COLQ: variants seen among roughly 807,000 people sequenced by gnomAD.
The protein encoded by COLQ is acetylcholinesterase collagenic tail peptide.
In COLQ, 48 loss-of-function variants were observed where a neutral mutation model predicts 69.0. The observed-to-expected ratio is 0.70, with a 90% CI of 0.55 to 0.88. The LOEUF (loss-of-function observed/expected upper bound fraction) is 0.88, where lower values mean the gene tolerates loss of function less well. COLQ is among the 40% of genes least tolerant of loss of function. COLQ has a pLI of 0.00. For synonymous variants in COLQ, 217 were observed against 211.2 expected (o/e 1.03, Z -0.24); for missense variants, 618 against 594.6 (o/e 1.04, Z -0.41).
chr3:15,490,847 A>G (rs971674296), intron 1 of COLQ, among the ~76,000 whole-genome samples: 5 of 152,242 alleles, frequency 3.3e-5, no homozygotes, highest in African/African-American at 1.2e-4. Context: ...GAACATAGAC[A>G]TATACTCTAG....
At chr3:15,460,268 T>C (rs1012910381) in intron 12 of COLQ, among the ~76,000 whole-genome samples, 1 of 152,178 alleles carries the variant, frequency 6.6e-6, no homozygotes, top group East Asian at 1.9e-4. Context: ...ATCGAATGAA[T>C]GAATGCCGAC....
chr3:15,521,229 C>T (rs755423792), intron 1 of COLQ, among the ~76,000 whole-genome samples: 24 of 152,164 alleles, frequency 1.6e-4, no homozygotes, highest in Non-Finnish European at 2.9e-4. Flanking sequence ...CTCCCAAATT[C>T]CTGACCAAGA....
At chr3:15,457,636 G>A (rs980823964) in intron 13 of COLQ, among the ~76,000 whole-genome samples, 3 of 87,032 alleles carry the variant, frequency 3.4e-5, no homozygotes, top group East Asian at 4.0e-4. Flanking sequence ...TTTTTGAGAC[G>A]GAGTCTCGCT....
chr3:15,455,487 T>C (rs1471865462), intron 15 of COLQ, among the ~76,000 whole-genome samples: 1 of 152,184 alleles, frequency 6.6e-6, no homozygotes, highest in Non-Finnish European at 1.5e-5. Flanking sequence ...CTACTAGAGC[T>C]CTACCTGGTA....
intron 6 of COLQ, 127 bp downstream of exon 6, chr3:15,476,999 A>T: frequency 3.1e-6 from 3 of 977,850 alleles, no homozygotes; most frequent in African/African-American, 1.6e-5. Flanking sequence ...GCCAGTCCTT[A>T]AGCTCTCTTC....
At chr3:15,508,679 A>C (rs1485795979) in intron 1 of COLQ, among the ~76,000 whole-genome samples, 1 of 152,120 alleles carries the variant, frequency 6.6e-6, no homozygotes, top group African/African-American at 2.4e-5. Flanking sequence ...ATCCCCTCCT[A>C]GGAGCAGTGG....
At chr3:15,485,674 C>T (rs754979930) in intron 3 of COLQ, among the ~76,000 whole-genome samples, 2 of 152,200 alleles carry the variant, frequency 1.3e-5, no homozygotes, top group Non-Finnish European at 2.9e-5. Context: ...ATAACAACCT[C>T]AGGCTGGGTG....
chr3:15,489,091 A>G (rs1384648506), intron 2 of COLQ, among the ~76,000 whole-genome samples: 1 of 152,200 alleles, frequency 6.6e-6, no homozygotes, highest in Non-Finnish European at 1.5e-5. Context: ...TGGCTACGGG[A>G]GAACTATTTC....
intron 13 of COLQ, among the ~76,000 whole-genome samples, chr3:15,457,161 A>C (rs1009164113): frequency 2.0e-5 from 3 of 152,102 alleles, no homozygotes; most frequent in Non-Finnish European, 4.4e-5. Flanking sequence ...AACGTTCCCA[A>C]GACTTAAGTT....
At chr3:15,489,732 G>A in intron 1 of COLQ, 95 bp from the exon 2 acceptor site, 1 of 1,006,108 alleles carries the variant, frequency 9.9e-7, no homozygotes, top group Non-Finnish European at 1.5e-6. Context: ...TGCCACCCCA[G>A]ACTTCCACAT....
intron 1 of COLQ, among the ~76,000 whole-genome samples, chr3:15,519,578 C>A (rs1039178952): frequency 1.3e-5 from 2 of 152,196 alleles, no homozygotes; most frequent in East Asian, 3.8e-4. Context: ...GGTGCCTCAG[C>A]ATTCCTTGTT....
intron 12 of COLQ, among the ~76,000 whole-genome samples, chr3:15,460,510 GA>G (rs2062096365): frequency 1.3e-5 from 2 of 152,168 alleles, no homozygotes; most frequent in Non-Finnish European, 2.9e-5. Flanking sequence ...CAGGGGCTGG[GA>G]ACACAGTTCA....
In COLQ at chr3:15,475,432, C is replaced by T. The variant is rs1476760668; in HGVS notation, c.521G>A (p.Gly174Asp). Residue 174 changes from glycine to aspartate, a missense_variant, in exon 7 of 17, where the codon GGC (glycine) becomes GAC (aspartate). Transcript: ENST00000383788. ...MGLPGSRGPM[G>D]SKGYPGSRGE... is the part of the protein sequence containing the mutation. ...TTTGGACCCCACACTGACCTTGGAG[C>T]CCATTGGTCCTCTTGACCCTGGCAA... 2 of 1,598,468 alleles carry T rather than the reference C, an allele frequency of 1.3e-6. No homozygotes were observed. Among genetic ancestry groups the T allele is most frequent in the South Asian group, 2.3e-5 (2 of 88,360 alleles).
At chr3:15,489,431 C>G in intron 2 of COLQ, 94 bp downstream of exon 2, 1 of 1,144,484 alleles carries the variant, frequency 8.7e-7, no homozygotes, top group South Asian at 1.3e-5. Context: ...ATTCCGGAGG[C>G]AGCTCAGGTG....
At chr3:15,507,675 A>C (rs1278885842) in intron 1 of COLQ, among the ~76,000 whole-genome samples, 1 of 152,136 alleles carries the variant, frequency 6.6e-6, no homozygotes, top group African/African-American at 2.4e-5. Flanking sequence ...AGCTGGTCTC[A>C]AACACTTGGG....
intron 1 of COLQ, among the ~76,000 whole-genome samples, chr3:15,516,376 G>C (rs1412543949): frequency 6.6e-6 from 1 of 152,190 alleles, no homozygotes; most frequent in Non-Finnish European, 1.5e-5. Context: ...TGCCTGCCCT[G>C]GGTTACATCC....
At chr3:15,481,635 A>T (rs1026741513) in intron 3 of COLQ, among the ~76,000 whole-genome samples, 5 of 152,190 alleles carry the variant, frequency 3.3e-5, no homozygotes, top group Admixed American at 1.3e-4. Flanking sequence ...TATAGTTTGA[A>T]GTCAGGTAGT....
chr3:15,460,022 A>G (rs140933514), intron 12 of COLQ, among the ~76,000 whole-genome samples: 29 of 152,214 alleles, frequency 1.9e-4, no homozygotes, highest in Non-Finnish European at 2.8e-4. Context: ...GGGTTCAAAC[A>G]TCACTTCTTG....
At chr3:15,498,486 C>G in intron 1 of COLQ, 6 of 1,538,684 alleles carry the variant, frequency 3.9e-6, no homozygotes, top group Non-Finnish European at 5.3e-6. Flanking sequence ...CACACACACA[C>G]GTGCACACAC....
Sources: allele counts gnomAD v4.1 joint callset (sites outside exome capture counted in the v4.1 genomes callset), GRCh38; gene constraint gnomAD v4.1.1; transcripts MANE v1.5; gene names NCBI Gene and HGNC (gene_info 2026-07-23, HGNC 2026-07-21).